Variants in CFAP43 observed in about 807,000 individuals in gnomAD.
CFAP43 encodes cilia- and flagella-associated protein 43.
CFAP43 carries 155 observed loss-of-function variants against 218.9 expected under a neutral mutation model. The observed-to-expected ratio is 0.71, with a 90% CI of 0.62 to 0.81. The LOEUF (loss-of-function observed/expected upper bound fraction) is 0.81. Ranked by LOEUF, CFAP43 falls within the 30% of genes least tolerant of loss-of-function variation. The pLI is 0.00. For missense variants in CFAP43, 1,778 were observed against 1,954.3 expected (o/e 0.91, Z 1.70); for synonymous variants, 645 against 681.3 (o/e 0.95, Z 0.83).
chr10:104,145,353 C>A, intron 31 of CFAP43, 123 bp downstream of exon 31: 1 of 557,360 alleles, frequency 1.8e-6, no homozygotes, highest in Non-Finnish European at 3.1e-6. Context: ...TAAACATCTC[C>A]ACCTAAAAGA....
chr10:104,139,954 A>C (rs1412162400), intron 34 of CFAP43, among the ~76,000 whole-genome samples: 1 of 152,216 alleles, frequency 6.6e-6, no homozygotes, highest in Non-Finnish European at 1.5e-5. Flanking sequence ...TTATCATCTA[A>C]TTCCCAAATA....
intron 8 of CFAP43, among the ~76,000 whole-genome samples, chr10:104,201,360 T>G (rs1193987863): frequency 1.3e-5 from 2 of 152,160 alleles, no homozygotes; most frequent in East Asian, 3.8e-4. Context: ...TAATTTATGC[T>G]TTTTGTTTAT....
intron 13 of CFAP43, among the ~76,000 whole-genome samples, chr10:104,187,987 G>T (rs534384784): frequency 6.6e-6 from 1 of 152,198 alleles, no homozygotes; most frequent in Admixed American, 6.5e-5. Context: ...TCTATTCAAA[G>T]CTACAAAACA....
Position 104,232,249 on chromosome 10 carries a change from GCA to G in CFAP43, c.-5_-4del. 6.2e-7 allele frequency: 1 copy of G among 1,603,446 alleles called. No individual in the cohort carries two copies. Among genetic ancestry groups the G allele is most frequent in the African/African-American group, 1.3e-5 (1 of 74,822 alleles). On this transcript the variant is annotated 5_prime_UTR_variant, in exon 1 of 38. Coordinates refer to ENST00000357060, the MANE Select transcript of CFAP43 (RefSeq NM_025145.7). ...TCGCGCTCCCGGCCTTGCGCCATGGGCAGTGTTTTCCTCAGGCGGGAGCAGGC... is the reference window on the plus strand; with the variant it reads ...TCGCGCTCCCGGCCTTGCGCCATGGGGTGTTTTCCTCAGGCGGGAGCAGGC...
intron 12 of CFAP43, among the ~76,000 whole-genome samples, chr10:104,191,487 G>C (rs2090212597): frequency 6.6e-6 from 1 of 152,000 alleles, no homozygotes; most frequent in South Asian, 2.1e-4. Flanking sequence ...CCCCTGACCA[G>C]TGCCCACCTT....
At chr10:104,208,134 GA>G (rs1404408351) in intron 5 of CFAP43, among the ~76,000 whole-genome samples, 4 of 152,196 alleles carry the variant, frequency 2.6e-5, no homozygotes, top group African/African-American at 4.8e-5. Flanking sequence ...AACTGCTGCT[GA>G]ATAGTGACAC....
intron 35 of CFAP43, chr10:104,132,819 C>G (rs897928328): frequency 2.0e-6 from 2 of 980,458 alleles, no homozygotes; most frequent in African/African-American, 3.5e-5. Flanking sequence ...TAACAAAGTC[C>G]TAGTTAAAGA....
Position 104,166,552 on chromosome 10 carries a change from A to G in CFAP43, c.2975T>C (p.Leu992Ser). 2 of 1,614,142 alleles carry G rather than the reference A, an allele frequency of 1.2e-6. No homozygotes were observed. The highest frequency in any genetic ancestry group is 1.7e-6 in the Non-Finnish European group (2 of 1,180,012). Residue 992 changes from leucine to serine, a missense_variant, in exon 23 of 38, where the codon TTA (leucine) becomes TCA (serine). Physicochemically the swap from Leu to Ser is moderately radical, Grantham distance 145 (BLOSUM62 -2). Coordinates refer to ENST00000357060, the MANE Select transcript of CFAP43 (RefSeq NM_025145.7). Reference sequence around the variant, plus strand: ...ATGAAGCTCCAATTGGCTTGACAATAAAGAGGTATCTACCCCAAAATCAGT... The same window carrying G: ...ATGAAGCTCCAATTGGCTTGACAATGAAGAGGTATCTACCCCAAAATCAGT... ...LSTDFGVDTS[L>S]LSSQLELHSR... is the part of the protein sequence containing the mutation.
chr10:104,227,004 CAA>C (rs2091321040), intron 2 of CFAP43, among the ~76,000 whole-genome samples: 1 of 151,990 alleles, frequency 6.6e-6, no homozygotes, highest in Non-Finnish European at 1.5e-5. Context: ...GGGGACAGAG[CAA>C]GACTCTGTCT....
chr10:104,143,682 T>C, intron 31 of CFAP43, 43 bp from the exon 32 acceptor site: 2 of 1,587,548 alleles, frequency 1.3e-6, no homozygotes, highest in Non-Finnish European at 1.7e-6. Context: ...CACATTCTCA[T>C]AAAAACATCA....
At chr10:104,200,929 A>G (rs536946823) in intron 8 of CFAP43, among the ~76,000 whole-genome samples, 1 of 152,124 alleles carries the variant, frequency 6.6e-6, no homozygotes, top group Non-Finnish European at 1.5e-5. Context: ...AAAACATAGT[A>G]AGGATTTTGG....
intron 25 of CFAP43, 37 bp from the exon 26 acceptor site, chr10:104,162,078 C>CA: frequency 6.3e-7 from 1 of 1,593,498 alleles, no homozygotes; most frequent in Non-Finnish European, 8.6e-7. Context: ...AATACTGAGA[C>CA]AGAGACCTGA....
chr10:104,141,641 C>G (rs1032869825), intron 33 of CFAP43, among the ~76,000 whole-genome samples: 3 of 152,024 alleles, frequency 2.0e-5, no homozygotes, highest in Admixed American at 6.6e-5. Context: ...TAAAATAACT[C>G]TATTAAAATT....
intron 34 of CFAP43, among the ~76,000 whole-genome samples, chr10:104,134,815 C>T (rs1024361200): frequency 7.2e-5 from 11 of 152,118 alleles, no homozygotes; most frequent in African/African-American, 2.7e-4. Flanking sequence ...AGAAAAATTA[C>T]ACCAATACTA....
rs538407794 is a variant in CFAP43 at position 104,202,830 on chromosome 10, T to A, written c.1095+842A>T. Among the ~76,000 whole-genome samples, 348 of 151,856 alleles carry A rather than the reference T, an allele frequency of 2.3e-3. 2 individuals are homozygous for A. The highest frequency in any genetic ancestry group is 7.9e-3 in the African/African-American group (328 of 41,442). ...ATAAGTTAGCATAGTTTTTTTTTTT[T>A]TAAAAAAAACTTCTGGTAATTATCA... is the stretch of plus-strand genomic sequence containing the variant. On this transcript the variant is annotated intron_variant, in intron 8 of 37. Transcript: ENST00000357060.
chr10:104,167,421 T>C (rs2089210575), intron 22 of CFAP43, among the ~76,000 whole-genome samples, 200 bp downstream of exon 22: 1 of 152,186 alleles, frequency 6.6e-6, no homozygotes, highest in Non-Finnish European at 1.5e-5. Context: ...CAGTGTTGTA[T>C]AGGATACAGG....
In CFAP43 at chr10:104,152,633, C is replaced by T. The variant is rs150917669; in HGVS notation, c.3634G>A (p.Val1212Met). The change falls in exon 28 of 38, where the codon GTG (valine) becomes ATG (methionine). Residue 1212 changes from valine to methionine, a missense_variant. Val to Met is a conservative substitution (Grantham distance 21, BLOSUM62 1). This residue lies in a region of CFAP43 where 1,553 missense variants were observed against 1,685.2 expected (regional missense o/e 0.92). Transcript: ENST00000357060. ...EHLKRLFERR[V>M]KAEMVTNQEE... ...TGGTTGGTAACCATCTCTGCCTTCACTCTCCTTTCAAAAAGTCTTTTCAAA... is the reference window on the plus strand; with the variant it reads ...TGGTTGGTAACCATCTCTGCCTTCATTCTCCTTTCAAAAAGTCTTTTCAAA... 6.2e-5 allele frequency: 100 copies of T among 1,613,696 alleles called. No homozygotes were observed. Among genetic ancestry groups the T allele is most frequent in the East Asian group, 4.7e-4 (21 of 44,886 alleles).
chr10:104,160,095 G>A (rs186597936), intron 27 of CFAP43, among the ~76,000 whole-genome samples: 1 of 152,180 alleles, frequency 6.6e-6, no homozygotes, highest in Non-Finnish European at 1.5e-5. Context: ...ATCAAGGCTG[G>A]GGTTTCAGCA....
chr10:104,225,898 A>G (rs1277042785), intron 2 of CFAP43, among the ~76,000 whole-genome samples: 1 of 152,236 alleles, frequency 6.6e-6, no homozygotes, highest in African/African-American at 2.4e-5. Context: ...TGTAATTAGA[A>G]TAGTTATTCA....
Sources: allele counts gnomAD v4.1 joint callset (sites outside exome capture counted in the v4.1 genomes callset), GRCh38; gene constraint gnomAD v4.1.1; regional missense constraint gnomAD v4.1.1; transcripts MANE v1.5; gene names NCBI Gene and HGNC (gene_info 2026-07-23, HGNC 2026-07-21).